The following TMEM74 variants were observed in gnomAD, a reference collection of about 807,000 sequenced individuals.
The protein encoded by TMEM74 is transmembrane protein 74.
Under a neutral mutation model 18.1 loss-of-function variants are expected in TMEM74, and 13 were observed. The observed-to-expected ratio is 0.72, with a 90% CI of 0.47 to 1.14. The LOEUF (loss-of-function observed/expected upper bound fraction) is 1.14. TMEM74 is among the 50% of genes most tolerant of loss of function. The probability of loss-of-function intolerance (pLI) is 0.00; values close to 1 mark genes in which losing one functional copy is unlikely to be tolerated. For synonymous variants in TMEM74, 159 were observed against 146.6 expected (o/e 1.08, Z -0.61); for missense variants, 372 against 375.9 (o/e 0.99, Z 0.09).
At chr8:108,699,597 T>G (rs1336865697) in intron 1 of TMEM74, among the ~76,000 whole-genome samples, 3 of 152,170 alleles carry the variant, frequency 2.0e-5, no homozygotes, top group African/African-American at 4.8e-5. Context: ...AATGAAACAC[T>G]GGGCCTCCTG....
chr8:108,681,710 T>A (rs905739467), intron 1 of TMEM74, among the ~76,000 whole-genome samples: 4 of 152,160 alleles, frequency 2.6e-5, no homozygotes, highest in Non-Finnish European at 5.9e-5. Flanking sequence ...TATGAGTTCC[T>A]TTTGGGGTGA....
chr8:108,652,119 G>T (rs535005255), intron 2 of TMEM74, among the ~76,000 whole-genome samples: 175 of 152,036 alleles, frequency 1.2e-3, no homozygotes, highest in Non-Finnish European at 2.1e-3. Context: ...TTTTTTACTC[G>T]CATTAACTCT....
At chr8:108,699,462 C>T (rs1040674972) in intron 1 of TMEM74, among the ~76,000 whole-genome samples, 2 of 151,918 alleles carry the variant, frequency 1.3e-5, no homozygotes, top group African/African-American at 4.8e-5. Context: ...GGGTTCTGTT[C>T]TCAAAACAAG....
chr8:108,622,015 C>T (rs1339600378), intron 2 of TMEM74, among the ~76,000 whole-genome samples: 2 of 152,234 alleles, frequency 1.3e-5, no homozygotes, highest in Non-Finnish European at 2.9e-5. Flanking sequence ...CTTTCTCTTA[C>T]ATTCCACAAC....
intron 1 of TMEM74, among the ~76,000 whole-genome samples, chr8:108,663,557 C>G (rs998220940): frequency 6.6e-6 from 1 of 152,108 alleles, no homozygotes; most frequent in Non-Finnish European, 1.5e-5. Flanking sequence ...GTGGTGATTC[C>G]TCAAAGACCT....
intron 1 of TMEM74, among the ~76,000 whole-genome samples, chr8:108,655,902 A>G (rs1468321522): frequency 6.6e-6 from 1 of 152,172 alleles, no homozygotes; most frequent in African/African-American, 2.4e-5. Flanking sequence ...TATTGAGATA[A>G]TATCATTTTG....
At chr8:108,664,604 C>G (rs184740633) in intron 1 of TMEM74, among the ~76,000 whole-genome samples, 1 of 152,032 alleles carries the variant, frequency 6.6e-6, no homozygotes, top group Non-Finnish European at 1.5e-5. Flanking sequence ...AACTTTATCT[C>G]TTTCTAATTG....
intron 1 of TMEM74, among the ~76,000 whole-genome samples, chr8:108,661,712 C>T (rs1029023560): frequency 1.3e-5 from 2 of 152,008 alleles, no homozygotes; most frequent in African/African-American, 2.4e-5. Flanking sequence ...GCTCTGGAAG[C>T]ACTAAATCAA....
chr8:108,638,528 T>C (rs1812629046), intron 2 of TMEM74, among the ~76,000 whole-genome samples: 1 of 151,570 alleles, frequency 6.6e-6, no homozygotes, highest in Admixed American at 6.6e-5. Context: ...TAACAAATTT[T>C]CAGTAACTTG....
chr8:108,712,863 A>T (rs1813487501), intron 1 of TMEM74, among the ~76,000 whole-genome samples: 1 of 152,164 alleles, frequency 6.6e-6, no homozygotes, highest in Admixed American at 6.5e-5. Context: ...GGATGGAGTG[A>T]GGGGTGAAGC....
exon 2 of TMEM74, chr8:108,655,422 T>C (rs1433573739): frequency 1.3e-5 from 2 of 151,548 alleles, no homozygotes; most frequent in African/African-American, 4.9e-5. Context: ...CTAGGCAACA[T>C]AGCCAGACCA....
chr8:108,701,642 A>T (rs1423490705), intron 1 of TMEM74, among the ~76,000 whole-genome samples: 1 of 152,224 alleles, frequency 6.6e-6, no homozygotes, highest in Non-Finnish European at 1.5e-5. Context: ...ATATCATTTA[A>T]AATAGCACAC....
intron 1 of TMEM74, among the ~76,000 whole-genome samples, chr8:108,686,443 C>G (rs991170626): frequency 2.0e-5 from 3 of 151,876 alleles, no homozygotes; most frequent in African/African-American, 7.3e-5. Context: ...ACCTCGTGAT[C>G]CAGCCGCCTC....
intron 2 of TMEM74, among the ~76,000 whole-genome samples, chr8:108,643,136 C>T (rs879508578): frequency 7.2e-5 from 11 of 152,266 alleles, no homozygotes; most frequent in East Asian, 5.8e-4. Context: ...ATACAGTCCA[C>T]GCTAGAGAAA....
intron 1 of TMEM74, among the ~76,000 whole-genome samples, chr8:108,690,360 C>A (rs1172263838): frequency 2.0e-5 from 3 of 151,246 alleles, no homozygotes; most frequent in Non-Finnish European, 4.4e-5. Context: ...GAGTGGCAAT[C>A]TAAATTACAA....
chr8:108,628,499 A>G (rs994138447), intron 2 of TMEM74, among the ~76,000 whole-genome samples: 1 of 152,088 alleles, frequency 6.6e-6, no homozygotes, highest in Non-Finnish European at 1.5e-5. Flanking sequence ...TTTATGGTGT[A>G]TACATGCCAC....
At chr8:108,710,508 A>T (rs141898466) in intron 1 of TMEM74, among the ~76,000 whole-genome samples, 113 of 152,320 alleles carry the variant, frequency 7.4e-4, no homozygotes, top group Non-Finnish European at 1.3e-3. Context: ...GCTCATGCTG[A>T]GGTCTGAAGG....
intron 2 of TMEM74, among the ~76,000 whole-genome samples, chr8:108,614,832 TG>T (rs1316528591): frequency 1.3e-5 from 2 of 152,090 alleles, no homozygotes; most frequent in Non-Finnish European, 2.9e-5. Flanking sequence ...TCAAGTAAAA[TG>T]AATAAATGAA....
At chr8:108,704,915 G>A (rs937743306) in intron 1 of TMEM74, among the ~76,000 whole-genome samples, 17 of 152,266 alleles carry the variant, frequency 1.1e-4, no homozygotes, top group East Asian at 1.9e-4. Flanking sequence ...TTTAACCCTT[G>A]AGAGGCCTCA....
Sources: gnomAD v4.1 joint callset for allele counts (sites outside exome capture counted in the v4.1 genomes callset) on GRCh38, gnomAD v4.1.1 for gene constraint, MANE v1.5 for transcripts, NCBI Gene and HGNC (gene_info 2026-07-23, HGNC 2026-07-21) for gene names.